CFAP97: variants seen among roughly 807,000 people sequenced by gnomAD.
CFAP97 encodes the protein cilia and flagella associated protein 97.
A neutral mutation model predicts 43.1 loss-of-function variants in CFAP97; 36 were observed. The ratio of observed to expected loss-of-function variants is 0.84; its 90% CI spans 0.64 to 1.10. The LOEUF (loss-of-function observed/expected upper bound fraction) is 1.10, where lower values mean the gene tolerates loss of function less well. Among genes scored for constraint, CFAP97 ranks in the 50% least tolerant of loss-of-function variants. CFAP97 has a pLI of 0.00. For synonymous variants in CFAP97, 228 were observed against 225.7 expected (o/e 1.01, Z -0.09); for missense variants, 657 against 620.3 (o/e 1.06, Z -0.63).
intron 2 of CFAP97, among the ~76,000 whole-genome samples, chr4:185,179,824 A>G (rs1293387035): frequency 6.6e-6 from 1 of 152,218 alleles, no homozygotes; most frequent in African/African-American, 2.4e-5. Context: ...GCATCCCACA[A>G]GCAGATGCTA....
chr4:185,207,928 C>T (rs1470212675), upstream of CFAP97: 2 of 152,142 alleles, frequency 1.3e-5, no homozygotes, highest in African/African-American at 4.8e-5. Flanking sequence ...ATTCAGAATA[C>T]AGTCCTCGGC....
At chr4:185,192,733 C>CTTTTTTTTTTTTTTTTTTTTTTTTTT (rs760026667) in intron 1 of CFAP97, among the ~76,000 whole-genome samples, 12 of 81,418 alleles carry the variant, frequency 1.5e-4, no homozygotes, top group African/African-American at 5.4e-4. Context: ...AATTGACCTT[C>CTTTTTTTTTTTTTTTTTTTTTTTTTT]TTTTTTTTTT....
Position 185,162,523 on chromosome 4 carries a change from C to T in CFAP97, c.*275G>A. On this transcript the variant is annotated 3_prime_UTR_variant, in exon 5 of 5. Coordinates refer to ENST00000458385, the MANE Select transcript of CFAP97 (RefSeq NM_020827.3). ...GATACTATCACTACTATTTTGACAG[C>T]ATGACAACTGAATAATTAGAAGATA... 1 of 379,398 alleles carries T rather than the reference C, an allele frequency of 2.6e-6. No individual in the cohort carries two copies. Among genetic ancestry groups the T allele is most frequent in the Non-Finnish European group, 4.8e-6 (1 of 206,726 alleles). 23.5% of individuals were successfully genotyped at this position (379,398 alleles called of 1,614,324 possible).
chr4:185,168,296 CT>C (rs11372860), intron 3 of CFAP97, among the ~76,000 whole-genome samples: 1 of 148,982 alleles, frequency 6.7e-6, no homozygotes, highest in African/African-American at 2.5e-5. Flanking sequence ...AGTTTGCCCA[CT>C]TTTTTTTTTT....
chr4:185,194,131 A>T (rs1391323489), intron 1 of CFAP97, among the ~76,000 whole-genome samples: 1 of 152,174 alleles, frequency 6.6e-6, no homozygotes, highest in Non-Finnish European at 1.5e-5. Flanking sequence ...TGCAGAGCTA[A>T]GTAGCTGTGA....
intron 2 of CFAP97, among the ~76,000 whole-genome samples, chr4:185,189,850 T>G (rs1736153940): frequency 6.6e-6 from 1 of 152,228 alleles, no homozygotes; most frequent in South Asian, 2.1e-4. Context: ...GAAAAACATC[T>G]GGCTACCCTT....
chr4:185,178,113 A>T (rs957987140), intron 2 of CFAP97, among the ~76,000 whole-genome samples: 13 of 152,178 alleles, frequency 8.5e-5, no homozygotes, highest in African/African-American at 3.1e-4. Flanking sequence ...GATGCATAAA[A>T]CATGTGAAAT....
intron 3 of CFAP97, among the ~76,000 whole-genome samples, chr4:185,171,391 T>C (rs963671964): frequency 1.3e-5 from 2 of 152,134 alleles, no homozygotes; most frequent in Non-Finnish European, 2.9e-5. Flanking sequence ...CTATTTTATT[T>C]ACACACATAA....
At chr4:185,206,256 T>C (rs538786629), upstream of CFAP97, among the ~76,000 whole-genome samples, 2 of 152,330 alleles carry the variant, frequency 1.3e-5, no homozygotes, top group South Asian at 4.1e-4. Flanking sequence ...CAAGTGTTTG[T>C]TTATCAACAG....
intron 2 of CFAP97, among the ~76,000 whole-genome samples, chr4:185,180,241 A>G (rs1415807505): frequency 6.6e-6 from 1 of 152,170 alleles, no homozygotes; most frequent in East Asian, 1.9e-4. Context: ...AGACAGGGCT[A>G]GTGTTTTATT....
At chr4:185,208,733 GAAAAA>G (rs1579287155), upstream of CFAP97, among the ~76,000 whole-genome samples, 1 of 148,888 alleles carries the variant, frequency 6.7e-6, no homozygotes, top group Admixed American at 6.7e-5. Context: ...CAAAAAAAAA[GAAAAA>G]AAGAAAGAAA....
intron 3 of CFAP97, among the ~76,000 whole-genome samples, chr4:185,170,765 A>C (rs1329176877): frequency 6.7e-6 from 1 of 150,362 alleles, no homozygotes; most frequent in Non-Finnish European, 1.5e-5. Context: ...CTGGTGGATC[A>C]CCTGAGGTCA....
At chr4:185,166,025 G>A (rs1395448042) in intron 3 of CFAP97, among the ~76,000 whole-genome samples, 1 of 152,180 alleles carries the variant, frequency 6.6e-6, no homozygotes, top group African/African-American at 2.4e-5. Context: ...CAGAACCACT[G>A]AGAACATCTT....
rs1431604164 is a variant in CFAP97 at position 185,170,283 on chromosome 4, C to T, written c.1320+5503G>A. 7.6e-6 allele frequency: 5 copies of T among 656,442 alleles called. No homozygotes were observed. The East Asian group carries it at 8.9e-5, about 12-fold the overall frequency. The allele number at this position is 656,442 out of a possible 1,614,324, so 40.7% of individuals were successfully genotyped here. Reference sequence around the variant, plus strand: ...ATCACTTGAACCCAGGAGATGGAGGCTGCAAGGAGCCAAGATCACGTCACT... The same window carrying T: ...ATCACTTGAACCCAGGAGATGGAGGTTGCAAGGAGCCAAGATCACGTCACT... On this transcript the variant is annotated intron_variant, in intron 3 of 4. Coordinates refer to ENST00000458385, the MANE Select transcript of CFAP97 (RefSeq NM_020827.3).
chr4:185,207,879 G>C (rs1250736528), upstream of CFAP97: 1 of 152,060 alleles, frequency 6.6e-6, no homozygotes, highest in Non-Finnish European at 1.5e-5. Flanking sequence ...GGTGAGCTAG[G>C]GCTAAAATTG....
At chr4:185,199,187 A>G (rs939662361) in intron 1 of CFAP97, among the ~76,000 whole-genome samples, 5 of 152,198 alleles carry the variant, frequency 3.3e-5, no homozygotes, top group Non-Finnish European at 5.9e-5. Context: ...AGCCTGAGCA[A>G]CAGGGCGAAA....
At chr4:185,168,052 T>C (rs1181157301) in intron 3 of CFAP97, among the ~76,000 whole-genome samples, 1 of 151,858 alleles carries the variant, frequency 6.6e-6, no homozygotes, top group Non-Finnish European at 1.5e-5. Context: ...TTGTTAATAT[T>C]GCTGTATTTT....
chr4:185,202,547 C>CA (rs1392326315), intron 1 of CFAP97, among the ~76,000 whole-genome samples: 6 of 145,928 alleles, frequency 4.1e-5, no homozygotes, highest in Non-Finnish European at 9.1e-5. Flanking sequence ...GATCCTATCT[C>CA]AAAAAACAAA....
At chr4:185,166,906 GC>G (rs1319854156) in intron 3 of CFAP97, among the ~76,000 whole-genome samples, 1 of 152,238 alleles carries the variant, frequency 6.6e-6, no homozygotes, top group African/African-American at 2.4e-5. Flanking sequence ...CTTGCAGGCT[GC>G]ATGCAGCTCA....
Sources: allele counts gnomAD v4.1 joint callset (sites outside exome capture counted in the v4.1 genomes callset), GRCh38; gene constraint gnomAD v4.1.1; transcripts MANE v1.5; gene names NCBI Gene and HGNC (gene_info 2026-07-23, HGNC 2026-07-21).